Variants in FCHO2 observed in about 807,000 individuals in gnomAD.
FCHO2 encodes F-BAR domain only protein 2.
Under a neutral mutation model 114.1 loss-of-function variants are expected in FCHO2, and 43 were observed. The observed-to-expected ratio is 0.38, with a 90% CI of 0.30 to 0.49. The LOEUF is 0.49. Ranked by LOEUF, FCHO2 falls within the 20% of genes least tolerant of loss-of-function variation. The pLI is 0.97. For synonymous variants in FCHO2, 293 were observed against 315.2 expected (o/e 0.93, Z 0.75); for missense variants, 807 against 950.4 (o/e 0.85, Z 1.98).
chr5:73,049,823 C>T (rs973299010), intron 11 of FCHO2, among the ~76,000 whole-genome samples: 2 of 152,016 alleles, frequency 1.3e-5, no homozygotes, highest in Non-Finnish European at 2.9e-5. Context: ...TTGAAGAATT[C>T]TAAACAAATT....
At chr5:73,013,359 A>G (rs1280321092) in intron 6 of FCHO2, among the ~76,000 whole-genome samples, 1 of 152,186 alleles carries the variant, frequency 6.6e-6, no homozygotes, top group Non-Finnish European at 1.5e-5. Flanking sequence ...CATTAAATAT[A>G]GGGTCAGGGA....
chr5:73,081,728 A>G (rs1370130972), intron 22 of FCHO2, 55 bp from the exon 23 acceptor site: 1 of 1,327,606 alleles, frequency 7.5e-7, no homozygotes, highest in African/African-American at 1.5e-5. Flanking sequence ...TGTCATTAAC[A>G]TGACTTCTTA....
intron 1 of FCHO2, among the ~76,000 whole-genome samples, chr5:72,967,700 A>C (rs185205165): frequency 6.6e-6 from 1 of 151,758 alleles, no homozygotes; most frequent in African/African-American, 2.4e-5. Flanking sequence ...GCTCACTGCA[A>C]CCTCCACCTC....
intron 6 of FCHO2, among the ~76,000 whole-genome samples, chr5:73,011,461 A>AT (rs76451908): frequency 0.14 from 20,541 of 151,128 alleles, 1,639 homozygotes; most frequent in East Asian, 0.35. Flanking sequence ...TAAAATTTTT[A>AT]TTTTTTTTTA....
At position 72,968,483 on chromosome 5, in the gene FCHO2, CTT is replaced by C. The variant is rs1561405911; in HGVS notation, c.34-11_34-10del. 6.8e-7 allele frequency: 1 copy of C among 1,477,264 alleles called. No individual in the cohort carries two copies. The highest frequency in any genetic ancestry group is 9.0e-7 in the Non-Finnish European group (1 of 1,116,288). 91.5% of individuals were successfully genotyped at this position (1,477,264 alleles called of 1,614,324 possible). A position where few individuals can be genotyped will look rare whatever the true frequency, so the allele number is the denominator to read the frequency against. On this transcript the variant is annotated splice_polypyrimidine_tract_variant and intron_variant, in intron 1 of 25. Coordinates refer to ENST00000430046, the MANE Select transcript of FCHO2 (RefSeq NM_138782.3). ...TCTGTTTTTTTATGAAACTAAAAATCTTTTTAAATTTTAGGGGGAAAAAAATA... is the reference window on the plus strand; with the variant it reads ...TCTGTTTTTTTATGAAACTAAAAATCTTTAAATTTTAGGGGGAAAAAAATA...
At chr5:72,992,916 C>G (rs1239517303) in intron 5 of FCHO2, among the ~76,000 whole-genome samples, 4 of 150,714 alleles carry the variant, frequency 2.7e-5, no homozygotes, top group Non-Finnish European at 5.9e-5. Flanking sequence ...TATGAATGTC[C>G]AGCAGTACTG....
At chr5:73,004,754 C>T (rs1457034375) in intron 5 of FCHO2, among the ~76,000 whole-genome samples, 9 of 152,126 alleles carry the variant, frequency 5.9e-5, no homozygotes, top group African/African-American at 2.2e-4. Flanking sequence ...CAGTTACCTA[C>T]TGTCCAGTAC....
intron 8 of FCHO2, among the ~76,000 whole-genome samples, chr5:73,024,620 G>T (rs964122548): frequency 4.6e-5 from 7 of 151,792 alleles, no homozygotes; most frequent in Admixed American, 1.3e-4. Context: ...TGTATTTTTA[G>T]TAGAGACGGG....
At chr5:73,086,578 C>A (rs1222015958) in intron 24 of FCHO2, among the ~76,000 whole-genome samples, 1 of 152,188 alleles carries the variant, frequency 6.6e-6, no homozygotes, top group Non-Finnish European at 1.5e-5. Context: ...TTCTTAATAT[C>A]TTTCCTTTTT....
At chr5:72,979,378 CTTTTTTTTTTTTTTTTTT>C (rs60234739) in intron 2 of FCHO2, among the ~76,000 whole-genome samples, 9 of 49,792 alleles carry the variant, frequency 1.8e-4, no homozygotes, top group South Asian at 2.2e-3. Flanking sequence ...TTATCAATTT[CTTTTTTTTTTTTTTTTTT>C]TTTTTTTTTT....
At chr5:73,032,451 A>G (rs1242451862) in intron 8 of FCHO2, among the ~76,000 whole-genome samples, 1 of 152,166 alleles carries the variant, frequency 6.6e-6, no homozygotes, top group African/African-American at 2.4e-5. Context: ...AGAAATCAAG[A>G]TATGTTTACT....
intron 5 of FCHO2, among the ~76,000 whole-genome samples, chr5:73,002,551 C>A (rs1386082631): frequency 6.6e-6 from 1 of 152,086 alleles, no homozygotes; most frequent in Non-Finnish European, 1.5e-5. Flanking sequence ...TATTTGAATT[C>A]TTCCACTTCA....
At chr5:73,024,440 T>TA (rs1491439763) in intron 8 of FCHO2, among the ~76,000 whole-genome samples, 1 of 151,538 alleles carries the variant, frequency 6.6e-6, no homozygotes, top group Non-Finnish European at 1.5e-5. Context: ...TTTTTTTTTT[T>TA]ATGTTTTATT....
chr5:73,010,429 G>A (rs1280074729), intron 6 of FCHO2, among the ~76,000 whole-genome samples: 1 of 152,106 alleles, frequency 6.6e-6, no homozygotes, highest in Non-Finnish European at 1.5e-5. Context: ...GATTTGTTAA[G>A]CAGTACCCTC....
chr5:72,967,946 A>G (rs1580005737), intron 1 of FCHO2, among the ~76,000 whole-genome samples: 1 of 137,190 alleles, frequency 7.3e-6, no homozygotes, highest in South Asian at 2.3e-4. Context: ...TTTTTTTGAG[A>G]TGGAGTCTTG....
chr5:73,073,843 C>G (rs1176343774), intron 19 of FCHO2, among the ~76,000 whole-genome samples: 10 of 151,844 alleles, frequency 6.6e-5, no homozygotes, highest in Admixed American at 2.6e-4. Flanking sequence ...AAGTGTTGAC[C>G]TAGATTATTT....
intron 22 of FCHO2, among the ~76,000 whole-genome samples, chr5:73,080,797 AG>A (rs1161020735): frequency 1.3e-5 from 2 of 152,182 alleles, no homozygotes; most frequent in Non-Finnish European, 2.9e-5. Flanking sequence ...GGAGTAGGAC[AG>A]GGAGACAGTA....
chr5:73,027,900 A>C (rs1190470862), intron 8 of FCHO2, among the ~76,000 whole-genome samples: 1 of 152,200 alleles, frequency 6.6e-6, no homozygotes, highest in East Asian at 1.9e-4. Context: ...TAAAAATTTA[A>C]AAGGCTGACT....
intron 10 of FCHO2, among the ~76,000 whole-genome samples, chr5:73,040,598 A>G (rs1015184546): frequency 1.5e-4 from 23 of 152,208 alleles, no homozygotes; most frequent in Non-Finnish European, 2.9e-4. Flanking sequence ...TACATTTTAA[A>G]TAATACTTTT....
Sources: allele counts gnomAD v4.1 joint callset (sites outside exome capture counted in the v4.1 genomes callset), GRCh38; gene constraint gnomAD v4.1.1; transcripts MANE v1.5; gene names NCBI Gene and HGNC (gene_info 2026-07-23, HGNC 2026-07-21).